The following PROSER2 variants were observed in gnomAD, a reference collection of about 807,000 sequenced individuals.
PROSER2 encodes the protein proline and serine rich 2, also known as proline and serine-rich protein 2.
A neutral mutation model predicts 14.6 loss-of-function variants in PROSER2; 18 were observed. The ratio of observed to expected loss-of-function variants is 1.23; its 90% CI spans 0.85 to 1.83. The LOEUF (loss-of-function observed/expected upper bound fraction) is 1.83. Ranked by LOEUF, PROSER2 falls within the 40% of genes most tolerant of loss-of-function variation. The probability of loss-of-function intolerance (pLI) is 0.00; values close to 1 mark genes in which losing one functional copy is unlikely to be tolerated. For synonymous variants in PROSER2, 367 were observed against 286.4 expected, an observed-to-expected ratio of 1.28 and a Z score of -2.84; for missense variants, 823 against 629.8, an observed-to-expected ratio of 1.31 and a Z score of -3.28.
intron 1 of PROSER2, among the ~76,000 whole-genome samples, chr10:11,827,178 G>C (rs1271498871): frequency 6.7e-6 from 1 of 148,608 alleles, no homozygotes; most frequent in Non-Finnish European, 1.5e-5. Flanking sequence ...GAGCCACCAT[G>C]CTTCGCCTTC....
chr10:11,824,462 A>G (rs1175946886), intron 1 of PROSER2, among the ~76,000 whole-genome samples: 1 of 152,232 alleles, frequency 6.6e-6, no homozygotes, highest in African/African-American at 2.4e-5. Context: ...AACACTACAT[A>G]AAAGTGCCCC....
Position 11,823,891 on chromosome 10 carries a change from G to A in PROSER2, c.-82+421G>A, listed in dbSNP as rs1207041240. ...ATGCGGCCTCGGGGAGAGGGTGCGG[G>A]TCCGACACGGCGGGCGGAGCCACCT... On this transcript the variant is annotated intron_variant, in intron 1 of 3. Transcript: ENST00000277570. This position sits in a 1 kb window ranked among gnomAD's most constrained non-coding sequence, Gnocchi z 6.2. Among the ~76,000 whole-genome samples, 1 of 152,212 alleles carries A rather than the reference G, an allele frequency of 6.6e-6. No individual in the cohort carries two copies. Among genetic ancestry groups the A allele is most frequent in the Non-Finnish European group, 1.5e-5 (1 of 68,030 alleles).
chr10:11,836,339 G>A lies in PROSER2; in HGVS notation c.-82+12869G>A, dbSNP rs1833760279. ...AGCTTCCCAAGTAGTTGGGATTACG[G>A]GCGCATACCACCACACCCGGCTAAT... is the stretch of plus-strand genomic sequence containing the variant. On this transcript the variant is annotated intron_variant, in intron 1 of 3. Transcript: ENST00000277570. The surrounding 1 kb of genome is among the most constrained non-coding windows in gnomAD (Gnocchi z 4.6). Among the ~76,000 whole-genome samples, 1 of 151,964 alleles carries A rather than the reference G, an allele frequency of 6.6e-6. No individual in the cohort carries two copies.
rs943138769 is a variant in PROSER2 at position 11,870,757 on chromosome 10, ATTCT to A, written c.*353_*356del. On this transcript the variant is annotated 3_prime_UTR_variant, in exon 4 of 4. Coordinates refer to ENST00000277570, the MANE Select transcript of PROSER2 (RefSeq NM_153256.4). ...GAGGAGTAGGACTGGTCTGATTATCATTCTTGAGTCTCATCTACCCTCTTCTCGA... is the reference window on the plus strand; with the variant it reads ...GAGGAGTAGGACTGGTCTGATTATCATGAGTCTCATCTACCCTCTTCTCGA... The A allele has an allele frequency of 1.4e-5, 3 of 217,370 alleles. No individual in the cohort carries two copies. The highest frequency in any genetic ancestry group is 3.0e-5 in the Non-Finnish European group (3 of 101,546). 13.5% of individuals were successfully genotyped at this position (217,370 alleles called of 1,614,324 possible).
At position 11,870,690 on chromosome 10, in the gene PROSER2, A is replaced by T. The variant is rs1225940527; in HGVS notation, c.*284A>T. The T allele has an allele frequency of 2.9e-6, 1 of 345,524 alleles. No homozygotes were observed. Among genetic ancestry groups the T allele is most frequent in the East Asian group, 5.2e-5 (1 of 19,376 alleles). The allele number at this position is 345,524 out of a possible 1,614,324, so 21.4% of individuals were successfully genotyped here. On this transcript the variant is annotated 3_prime_UTR_variant, in exon 4 of 4. Transcript: ENST00000277570. ...AGAGAGAGAATAACCTGTTAGACCC[A>T]TAGGTTTCCGTGATGTGTAAATGCC...
intron 2 of PROSER2, among the ~76,000 whole-genome samples, chr10:11,857,662 T>C (rs1416162138): frequency 6.7e-6 from 1 of 149,530 alleles, no homozygotes; most frequent in Non-Finnish European, 1.5e-5. Context: ...GGAAAATCAC[T>C]TGAACCCGGG....
chr10:11,847,159 ATATATATAT>A (rs1189186168), intron 1 of PROSER2, among the ~76,000 whole-genome samples: 1,676 of 145,936 alleles, frequency 0.011, 13 homozygotes, highest in Non-Finnish European at 0.02. Context: ...AAATAAATAT[ATATATATAT>A]ATATATATAT....
At position 11,838,026 on chromosome 10, in the gene PROSER2, A is replaced by T. The variant is rs1394033862; in HGVS notation, c.-81-13971A>T. ...ATCTGCCTGTATCATCTCCTGACAT[A>T]CTGGGTCTTTCAAAGGCTCCAAGGT... On this transcript the variant is annotated intron_variant, in intron 1 of 3. Coordinates refer to ENST00000277570, the MANE Select transcript of PROSER2 (RefSeq NM_153256.4). The surrounding 1 kb of genome is among the most constrained non-coding windows in gnomAD (Gnocchi z 4.4). Among the ~76,000 whole-genome samples the T allele has an allele frequency of 6.6e-6, 1 of 151,320 alleles. No individual in the cohort carries two copies. The highest frequency in any genetic ancestry group is 1.5e-5 in the Non-Finnish European group (1 of 67,822).
chr10:11,857,900 C>T (rs750391217), intron 2 of PROSER2, among the ~76,000 whole-genome samples: 1 of 152,100 alleles, frequency 6.6e-6, no homozygotes. Context: ...CAGGGGGTTG[C>T]CACAATTGTC....
intron 1 of PROSER2, among the ~76,000 whole-genome samples, chr10:11,835,673 A>T (rs1833750685): frequency 6.6e-6 from 1 of 152,232 alleles, no homozygotes; most frequent in Non-Finnish European, 1.5e-5. Flanking sequence ...TAAAAATAGG[A>T]AGTAACACAG....
intron 1 of PROSER2, among the ~76,000 whole-genome samples, chr10:11,832,755 C>G (rs11257350): frequency 6.6e-6 from 1 of 151,950 alleles, no homozygotes; most frequent in African/African-American, 2.4e-5. Flanking sequence ...GTTAACATGT[C>G]TGAAACTACT....
chr10:11,857,147 C>T (rs1376971545), intron 2 of PROSER2: 1 of 152,016 alleles, frequency 6.6e-6, no homozygotes, highest in African/African-American at 2.4e-5. Flanking sequence ...ACGAGGCAGC[C>T]ATGGAGGACC....
intron 3 of PROSER2, among the ~76,000 whole-genome samples, chr10:11,867,921 T>G (rs1834386777): frequency 6.6e-6 from 1 of 152,196 alleles, no homozygotes; most frequent in South Asian, 2.1e-4. Flanking sequence ...AACATTACTT[T>G]TGCCCTGGTA....
intron 2 of PROSER2, among the ~76,000 whole-genome samples, chr10:11,852,760 ACTCCGCCCACCTCAGCTTCCCAAAGT>A (rs1228852682): frequency 8.1e-6 from 1 of 122,724 alleles, no homozygotes; most frequent in Non-Finnish European, 1.7e-5. Context: ...CTGATCTCGA[ACTCCGCCCACCTCAGCTTCCCAAAGT>A]GCTGGGATTA....
rs1834455444 is a variant in PROSER2 at position 11,870,271 on chromosome 10, C to T, written c.1173C>T (p.Gly391=). 6.7e-7 allele frequency: 1 copy of T among 1,488,884 alleles called. No homozygotes were observed. The allele number at this position is 1,488,884 out of a possible 1,614,324, so 92.2% of individuals were successfully genotyped here. A position where few individuals can be genotyped will look rare whatever the true frequency, so the allele number is the denominator to read the frequency against. The change falls in exon 4 of 4, where the codon GGC becomes GGT. Residue 391 remains glycine (G), a synonymous_variant. Coordinates refer to ENST00000277570, the MANE Select transcript of PROSER2 (RefSeq NM_153256.4). ...TCCCCGGGCCCCGGCAGCCCAACGG[C>T]GCCCAGGACTGGCGCCGCGCAGACT... ...QSFPGPRQPN[G]AQDWRRADSL...
At chr10:11,859,337 G>A (rs753095210) in intron 2 of PROSER2, among the ~76,000 whole-genome samples, 1 of 152,048 alleles carries the variant, frequency 6.6e-6, no homozygotes, top group African/African-American at 2.4e-5. Context: ...CTGAGGTGGG[G>A]GAATTGCATG....
In PROSER2 at chr10:11,870,468, G is replaced by A. The variant is rs187116307; in HGVS notation, c.*62G>A. The A allele has an allele frequency of 1.5e-6, 2 of 1,297,204 alleles. No individual in the cohort carries two copies. Among genetic ancestry groups the A allele is most frequent in the Admixed American group, 3.8e-5 (1 of 26,550 alleles). 80.4% of individuals were successfully genotyped at this position (1,297,204 alleles called of 1,614,324 possible). A position where few individuals can be genotyped will look rare whatever the true frequency, so the allele number is the denominator to read the frequency against. On this transcript the variant is annotated 3_prime_UTR_variant, in exon 4 of 4. Coordinates refer to ENST00000277570, the MANE Select transcript of PROSER2 (RefSeq NM_153256.4). Reference sequence around the variant, plus strand: ...ACCCTGAAGAGAGGGTGAAAGAGTCGCTGCACCCAGGAGCTGTTTGGTCTA... The same window carrying A: ...ACCCTGAAGAGAGGGTGAAAGAGTCACTGCACCCAGGAGCTGTTTGGTCTA...
At chr10:11,852,740 G>C (rs1834048877) in intron 2 of PROSER2, among the ~76,000 whole-genome samples, 1 of 105,196 alleles carries the variant, frequency 9.5e-6, no homozygotes, top group South Asian at 2.8e-4. Flanking sequence ...GTTTCACCAT[G>C]TTGGCCAGGC....
At chr10:11,859,514 CTT>C (rs905714390) in intron 2 of PROSER2, among the ~76,000 whole-genome samples, 30 of 152,190 alleles carry the variant, frequency 2.0e-4, no homozygotes, top group African/African-American at 7.0e-4. Context: ...TAGGGACAAA[CTT>C]AACGCTTTCT....
Sources: allele counts gnomAD v4.1 joint callset (sites outside exome capture counted in the v4.1 genomes callset), GRCh38; gene constraint gnomAD v4.1.1; non-coding constraint Gnocchi (gnomAD v3.1); transcripts MANE v1.5; gene names NCBI Gene and HGNC (gene_info 2026-07-23, HGNC 2026-07-21).